ABCG2: variants seen among roughly 807,000 people sequenced by gnomAD.
The protein encoded by ABCG2 is broad substrate specificity ATP-binding cassette transporter ABCG2.
ABCG2 carries 80 observed loss-of-function variants against 73.5 expected under a neutral mutation model. The observed-to-expected ratio is 1.09, with a 90% confidence interval of 0.91 to 1.31. The LOEUF (loss-of-function observed/expected upper bound fraction) is 1.31. ABCG2 is among the 50% of genes most tolerant of loss of function. The probability of loss-of-function intolerance (pLI) is 0.00; values close to 1 mark genes in which losing one functional copy is unlikely to be tolerated. For synonymous variants in ABCG2, 269 were observed against 282.4 expected (o/e 0.95, Z 0.48); for missense variants, 796 against 786.2 (o/e 1.01, Z -0.15).
At chr4:88,189,360 A>G (rs1317666900) in intron 1 of ABCG2, among the ~76,000 whole-genome samples, 1 of 151,990 alleles carries the variant, frequency 6.6e-6, no homozygotes, top group East Asian at 1.9e-4. Context: ...CAAAAAATTA[A>G]AAAATGAGCT....
chr4:88,102,540 G>A (rs1300614687), intron 10 of ABCG2, among the ~76,000 whole-genome samples: 1 of 150,494 alleles, frequency 6.6e-6, no homozygotes, highest in African/African-American at 2.4e-5. Context: ...AGGTTGCAGT[G>A]AGCTGAGATC....
At chr4:88,103,403 A>G (rs570741720) in intron 10 of ABCG2, among the ~76,000 whole-genome samples, 1 of 152,330 alleles carries the variant, frequency 6.6e-6, no homozygotes, top group South Asian at 2.1e-4. Context: ...CACATCTGTT[A>G]TATCTACTTA....
chr4:88,109,559 G>T (rs769744731), intron 9 of ABCG2, among the ~76,000 whole-genome samples: 1 of 152,190 alleles, frequency 6.6e-6, no homozygotes, highest in Non-Finnish European at 1.5e-5. Context: ...GTGCACAATG[G>T]AGTGCACAGA....
intron 13 of ABCG2, 146 bp downstream of exon 13, chr4:88,097,307 A>T: frequency 1.2e-6 from 1 of 863,840 alleles, no homozygotes; most frequent in Non-Finnish European, 1.7e-6. Flanking sequence ...ATTCTCTAAC[A>T]TAATCTATTC....
intron 5 of ABCG2, among the ~76,000 whole-genome samples, chr4:88,128,466 T>C (rs1169670638): frequency 6.6e-6 from 1 of 152,154 alleles, no homozygotes; most frequent in Admixed American, 6.5e-5. Flanking sequence ...TAAAGACACA[T>C]GCACACATGT....
At chr4:88,148,358 G>A (rs79622913) in intron 1 of ABCG2, among the ~76,000 whole-genome samples, 7,240 of 152,236 alleles carry the variant, frequency 0.048, 225 homozygotes, top group Middle Eastern at 0.068. Flanking sequence ...ATCCTTAATC[G>A]AAAGAGATAT....
In ABCG2 at chr4:88,186,733, A is replaced by C. The variant is rs1030508889; in HGVS notation, c.-20+44261T>G. Among the ~76,000 whole-genome samples, 17 of 150,722 alleles carry C rather than the reference A, an allele frequency of 1.1e-4. No individual in the cohort carries two copies. In the East Asian group the frequency reaches 1.2e-3, roughly 10 times the overall value. On this transcript the variant is annotated intron_variant, in intron 1 of 15. Transcript: ENST00000515655. ...AGGAGATCGAGACCATCCCGGCTAAAACGGTGAAACCCCGTCTCTACTAAA... is the reference window on the plus strand; with the variant it reads ...AGGAGATCGAGACCATCCCGGCTAACACGGTGAAACCCCGTCTCTACTAAA...
chr4:88,101,782 C>T (rs1003663613), intron 10 of ABCG2, among the ~76,000 whole-genome samples: 13 of 152,196 alleles, frequency 8.5e-5, no homozygotes, highest in African/African-American at 2.9e-4. Flanking sequence ...AGAGGGCCCT[C>T]ACCAGAACCC....
At chr4:88,205,944 G>A (rs1457922084) in intron 1 of ABCG2, among the ~76,000 whole-genome samples, 1 of 152,122 alleles carries the variant, frequency 6.6e-6, no homozygotes, top group Non-Finnish European at 1.5e-5. Context: ...GCCTCCCAAA[G>A]TGCTGGAATT....
chr4:88,114,573 G>A (rs140455308), intron 8 of ABCG2, among the ~76,000 whole-genome samples: 283 of 150,124 alleles, frequency 1.9e-3, no homozygotes, highest in African/African-American at 6.5e-3. Flanking sequence ...GGGTCAGTGA[G>A]CCGAAATAGC....
chr4:88,106,760 G>A (rs1480552654), intron 10 of ABCG2, among the ~76,000 whole-genome samples: 2 of 152,174 alleles, frequency 1.3e-5, no homozygotes, highest in African/African-American at 4.8e-5. Flanking sequence ...AAATAATTGG[G>A]CCAGGTGGAG....
chr4:88,121,839 T>C (rs767524998), intron 5 of ABCG2, 47 bp from the exon 6 acceptor site: 3 of 1,584,092 alleles, frequency 1.9e-6, no homozygotes, highest in Non-Finnish European at 2.6e-6. Context: ...CCAGTCATTA[T>C]CATTTGGTGA....
chr4:88,095,429 G>A (rs1472027493), intron 14 of ABCG2, 91 bp downstream of exon 14: 7 of 1,190,210 alleles, frequency 5.9e-6, no homozygotes, highest in South Asian at 3.8e-5. Context: ...GACTTTCACA[G>A]CTCATGGTCA....
At chr4:88,159,501 T>A (rs1228681220), upstream of ABCG2, among the ~76,000 whole-genome samples, 1 of 152,256 alleles carries the variant, frequency 6.6e-6, no homozygotes, top group East Asian at 1.9e-4. Flanking sequence ...CTGTGCAATA[T>A]TCCGATGGTG....
chr4:88,158,959 C>G (rs1002641299), upstream of ABCG2: 1 of 348,238 alleles, frequency 2.9e-6, no homozygotes, highest in East Asian at 8.7e-5. Context: ...GGTTCGCGGG[C>G]GGGGGTGAGG....
At chr4:88,146,495 A>T (rs1479242075) in intron 1 of ABCG2, among the ~76,000 whole-genome samples, 1 of 151,934 alleles carries the variant, frequency 6.6e-6, no homozygotes, top group Non-Finnish European at 1.5e-5. Context: ...CCCAGGTTCA[A>T]GCAATTCTCC....
chr4:88,113,395 T>C lies in ABCG2; in HGVS notation c.1102A>G (p.Ser368Gly), dbSNP rs1393449587. Residue 368 changes from serine to glycine, a missense_variant, in exon 9 of 16, where the codon AGC becomes GGC. By Grantham distance (56) the Ser-to-Gly change is moderately conservative. Coordinates refer to ENST00000237612, the MANE Select transcript of ABCG2 (RefSeq NM_004827.3). ...TGATGACAGAAGGAGGTGGTGTAGC[T>C]GATCTCCTTGAAGACTGTGATCTTC... Reference protein sequence around the residue: ...KKKITVFKEISYTTSFCHQLR... With the variant: ...KKKITVFKEIGYTTSFCHQLR... 6.2e-7 allele frequency: 1 copy of C among 1,614,194 alleles called. No individual in the cohort carries two copies. The highest frequency in any genetic ancestry group is 8.5e-7 in the Non-Finnish European group (1 of 1,180,016).
chr4:88,209,436 G>A (rs1467670723), intron 1 of ABCG2, among the ~76,000 whole-genome samples: 1 of 151,996 alleles, frequency 6.6e-6, no homozygotes, highest in African/African-American at 2.4e-5. Context: ...GGCTGAGGCA[G>A]ATGGATCACC....
chr4:88,194,406 A>T (rs1001415510), intron 1 of ABCG2, among the ~76,000 whole-genome samples: 7 of 151,638 alleles, frequency 4.6e-5, no homozygotes, highest in African/African-American at 1.7e-4. Flanking sequence ...AAAAATTAGC[A>T]GGGCATGGTG....
Sources: gnomAD v4.1 joint callset for allele counts (sites outside exome capture counted in the v4.1 genomes callset) on GRCh38, gnomAD v4.1.1 for gene constraint, MANE v1.5 for transcripts, NCBI Gene and HGNC (gene_info 2026-07-23, HGNC 2026-07-21) for gene names.